DNAH9: variants seen among roughly 807,000 people sequenced by gnomAD.
The protein encoded by DNAH9 is dynein axonemal heavy chain 9.
A neutral mutation model predicts 471.6 loss-of-function variants in DNAH9; 345 were observed. The observed-to-expected ratio is 0.73, with a 90% CI of 0.67 to 0.80. The LOEUF is 0.80. Ranked by LOEUF, DNAH9 falls within the 30% of genes least tolerant of loss-of-function variation. DNAH9 has a pLI of 0.00. For missense variants in DNAH9, 5,407 were observed against 5,609.2 expected, an observed-to-expected ratio of 0.96 and a Z score of 1.15; for synonymous variants, 2,093 against 2,123.6, an observed-to-expected ratio of 0.99 and a Z score of 0.40.
chr17:11,768,511 A>C lies in DNAH9; in HGVS notation c.7229A>C (p.Lys2410Thr). Residue 2410 changes from lysine (K) to threonine (T), a missense_variant, in exon 37 of 69, where the codon AAG becomes ACG. By Grantham distance (78) the Lys-to-Thr change is moderately conservative. This residue lies in a region of DNAH9 where 4,636 missense variants were observed against 4,900.3 expected (regional missense o/e 0.95). Coordinates refer to ENST00000262442, the MANE Select transcript of DNAH9 (RefSeq NM_001372.4). ...TGGCTGACTGAGTTCAAAACAGTCAAGTTTCCTTCCCAAGGAACCATCTTT... is the reference window on the plus strand; with the variant it reads ...TGGCTGACTGAGTTCAAAACAGTCACGTTTCCTTCCCAAGGAACCATCTTT... ...KWWLTEFKTV[K>T]FPSQGTIFDY... The C allele has an allele frequency of 6.2e-7, 1 of 1,614,214 alleles. No individual in the cohort carries two copies. Among genetic ancestry groups the C allele is most frequent in the East Asian group, 2.2e-5 (1 of 44,878 alleles).
At chr17:11,801,555 G>T (rs1473281296) in intron 43 of DNAH9, among the ~76,000 whole-genome samples, 1 of 152,164 alleles carries the variant, frequency 6.6e-6, no homozygotes, top group Non-Finnish European at 1.5e-5. Context: ...GGGCATGGTG[G>T]CAGCGTGCAC....
chr17:11,653,275 A>C (rs1474866686), intron 14 of DNAH9, among the ~76,000 whole-genome samples: 1 of 152,234 alleles, frequency 6.6e-6, no homozygotes, highest in African/African-American at 2.4e-5. Context: ...CCCCAAGGGA[A>C]CAGAAGAAGA....
At chr17:11,620,047 C>CA in intron 6 of DNAH9, 2 of 451,358 alleles carry the variant, frequency 4.4e-6, no homozygotes, top group South Asian at 2.7e-5. Context: ...GCCTTCTCTA[C>CA]AAAAAATACA....
chr17:11,951,235 A>C (rs768862225), intron 67 of DNAH9, among the ~76,000 whole-genome samples: 1 of 152,244 alleles, frequency 6.6e-6, no homozygotes, highest in Non-Finnish European at 1.5e-5. Flanking sequence ...AAATGAATGC[A>C]GTATGGCCTG....
At chr17:11,787,995 G>A (rs1968931475) in intron 41 of DNAH9, among the ~76,000 whole-genome samples, 1 of 152,138 alleles carries the variant, frequency 6.6e-6, no homozygotes, top group African/African-American at 2.4e-5. Context: ...AAACGGACCA[G>A]TACATGCTCT....
At chr17:11,824,339 G>C (rs939975507) in intron 48 of DNAH9, among the ~76,000 whole-genome samples, 11 of 152,084 alleles carry the variant, frequency 7.2e-5, no homozygotes, top group Non-Finnish European at 1.0e-4. Flanking sequence ...TCAATTTCTT[G>C]ATTCAGAAGT....
chr17:11,951,434 A>C (rs1287848305), intron 67 of DNAH9, among the ~76,000 whole-genome samples: 2 of 152,150 alleles, frequency 1.3e-5, no homozygotes, highest in Non-Finnish European at 2.9e-5. Flanking sequence ...TAATCCTAGC[A>C]CTTTGGGAGG....
intron 68 of DNAH9, 25 bp from the exon 69 acceptor site, chr17:11,969,275 G>T: frequency 6.2e-7 from 1 of 1,606,556 alleles, no homozygotes. Context: ...GATCTAAGGT[G>T]CCTCTTCTCA....
chr17:11,637,295 A>G (rs540476661), intron 9 of DNAH9, among the ~76,000 whole-genome samples: 1 of 152,324 alleles, frequency 6.6e-6, no homozygotes, highest in South Asian at 2.1e-4. Context: ...AGTTTTACGT[A>G]CATTTATTGA....
intron 62 of DNAH9, chr17:11,925,094 A>G (rs1016655147): frequency 2.8e-5 from 12 of 431,106 alleles, no homozygotes; most frequent in East Asian, 7.1e-5. Flanking sequence ...GAAATCTTCT[A>G]TTAGAGCTCC....
At chr17:11,638,449 A>G (rs1377989922) in intron 9 of DNAH9, among the ~76,000 whole-genome samples, 1 of 151,914 alleles carries the variant, frequency 6.6e-6, no homozygotes, top group African/African-American at 2.4e-5. Flanking sequence ...CAGTGGCACG[A>G]TCTCGGCTCA....
intron 35 of DNAH9, among the ~76,000 whole-genome samples, chr17:11,761,252 T>G (rs554894422): frequency 5.9e-5 from 9 of 152,308 alleles, no homozygotes; most frequent in African/African-American, 1.9e-4. Flanking sequence ...CCATTCATAA[T>G]GGAGGCTTCT....
At chr17:11,878,061 T>C (rs1004745097) in intron 53 of DNAH9, among the ~76,000 whole-genome samples, 1 of 152,158 alleles carries the variant, frequency 6.6e-6, no homozygotes, top group African/African-American at 2.4e-5. Flanking sequence ...TTTGCATCTT[T>C]AGTCACATAG....
At chr17:11,911,960 T>G (rs768847629) in intron 61 of DNAH9, among the ~76,000 whole-genome samples, 15 of 152,214 alleles carry the variant, frequency 9.9e-5, no homozygotes, top group Non-Finnish European at 1.8e-4. Flanking sequence ...GATTTTCCAG[T>G]TACAAGACCA....
chr17:11,752,744 G>C, intron 32 of DNAH9, 89 bp from the exon 33 acceptor site: 1 of 1,085,514 alleles, frequency 9.2e-7, no homozygotes, highest in African/African-American at 1.6e-5. Flanking sequence ...GCCCCCTTCT[G>C]TGTGTTGTAG....
rs373842578 is a variant in DNAH9, at chr17:11,923,891, G to A, written c.11827G>A (p.Glu3943Lys). The A allele has an allele frequency of 1.1e-5, 17 of 1,613,990 alleles. No homozygotes were observed. The African/African-American group carries it at 2.0e-4, about 19-fold the overall frequency. Residue 3943 changes from glutamate (E) to lysine (K), a missense_variant, in exon 62 of 69, where the codon GAG becomes AAG. Coordinates refer to ENST00000262442, the MANE Select transcript of DNAH9 (RefSeq NM_001372.4). ...GGGGCAAGGACAGGAAGTGGTGGCT[G>A]AGGCTGCGCTGGACCTCGCTGCCAA... ...SLGQGQEVVA[E>K]AALDLAAKKG...
At chr17:11,669,831 G>C in intron 17 of DNAH9, 37 bp downstream of exon 17, 1 of 1,545,592 alleles carries the variant, frequency 6.5e-7, no homozygotes. Flanking sequence ...CAGCATGCTA[G>C]GCTGTGAGGA....
At chr17:11,786,905 G>T (rs558530321) in intron 41 of DNAH9, among the ~76,000 whole-genome samples, 7 of 152,170 alleles carry the variant, frequency 4.6e-5, no homozygotes, top group African/African-American at 1.7e-4. Flanking sequence ...TTTGCAGCCT[G>T]CCAGCTGTCA....
intron 26 of DNAH9, among the ~76,000 whole-genome samples, chr17:11,714,194 C>A (rs2074920611): frequency 6.6e-6 from 1 of 152,150 alleles, no homozygotes; most frequent in Non-Finnish European, 1.5e-5. Context: ...GAGCTTGAAA[C>A]CTATTGAAAG....
Sources: gnomAD v4.1 joint callset for allele counts (sites outside exome capture counted in the v4.1 genomes callset) on GRCh38, gnomAD v4.1.1 for gene constraint, gnomAD v4.1.1 regional missense constraint, MANE v1.5 for transcripts, NCBI Gene and HGNC (gene_info 2026-07-23, HGNC 2026-07-21) for gene names.